The following ITPK1 variants were observed in gnomAD, a reference collection of about 807,000 sequenced individuals.
ITPK1 encodes the protein inositol-tetrakisphosphate 1-kinase.
Under a neutral mutation model 45.3 loss-of-function variants are expected in ITPK1, and 21 were observed. The ratio of observed to expected loss-of-function variants is 0.46; its 90% CI spans 0.33 to 0.67. The LOEUF is 0.67. ITPK1 is among the 30% of genes least tolerant of loss of function. ITPK1 has a pLI of 0.02. For missense variants in ITPK1, 474 were observed against 573.5 expected (o/e 0.83, Z 1.77); for synonymous variants, 258 against 253.6 (o/e 1.02, Z -0.16).
Position 93,034,983 on chromosome 14 carries a change from C to T in ITPK1, c.121-18182G>A, listed in dbSNP as rs775382576. Among the ~76,000 whole-genome samples the T allele has an allele frequency of 6.6e-6, 1 of 152,258 alleles. No homozygotes were observed. The highest frequency in any genetic ancestry group is 1.5e-5 in the Non-Finnish European group (1 of 68,042). ...CCTGGCCTCTGGGCACCTGCACCTA[C>T]AAAGCAAGTCCTACAGGGTGAACAC... On this transcript the variant is annotated intron_variant, in intron 3 of 10. Coordinates refer to ENST00000267615, the MANE Select transcript of ITPK1 (RefSeq NM_014216.6). The surrounding 1 kb of genome is among the most constrained non-coding windows in gnomAD (Gnocchi z 4.1).
In ITPK1 at chr14:93,032,615, C is replaced by A. The variant is rs1281144875; in HGVS notation, c.121-15814G>T. Among the ~76,000 whole-genome samples, 2 of 152,130 alleles carry A rather than the reference C, an allele frequency of 1.3e-5. No individual in the cohort carries two copies. Among genetic ancestry groups the A allele is most frequent in the Non-Finnish European group, 2.9e-5 (2 of 68,026 alleles). On this transcript the variant is annotated intron_variant, in intron 3 of 10. Coordinates refer to ENST00000267615, the MANE Select transcript of ITPK1 (RefSeq NM_014216.6). This position sits in a 1 kb window ranked among gnomAD's most constrained non-coding sequence, Gnocchi z 4.0. ...TGCCAGGTCACAGAAATTTACTGAC[C>A]CACATCTGACCTGCCCCACCCTCAA...
At chr14:93,090,507 C>T (rs1891826864) in intron 2 of ITPK1, among the ~76,000 whole-genome samples, 1 of 152,156 alleles carries the variant, frequency 6.6e-6, no homozygotes, top group South Asian at 2.1e-4. Flanking sequence ...AAATGTCCAG[C>T]CCGTATCCCT....
rs920226993 is a variant in ITPK1, at chr14:93,036,060, G to A, written c.121-19259C>T. ...TTGGAAACAGGTGGGAGGAGCACTC[G>A]CCAAGCCCAAGGCCACCCTTTCCAA... On this transcript the variant is annotated intron_variant, in intron 3 of 10. Transcript: ENST00000267615. The surrounding 1 kb of genome is among the most constrained non-coding windows in gnomAD (Gnocchi z 4.1). Among the ~76,000 whole-genome samples, 9 of 152,170 alleles carry A rather than the reference G, an allele frequency of 5.9e-5. No individual in the cohort carries two copies. Among genetic ancestry groups the A allele is most frequent in the Non-Finnish European group, 1.3e-4 (9 of 68,020 alleles).
At chr14:93,073,015 G>T (rs574451287) in intron 3 of ITPK1, among the ~76,000 whole-genome samples, 1 of 152,212 alleles carries the variant, frequency 6.6e-6, no homozygotes, top group Non-Finnish European at 1.5e-5. Flanking sequence ...CCACCAGGAG[G>T]GTTTTATGCC....
chr14:93,104,010 T>C (rs1005401884), intron 2 of ITPK1, among the ~76,000 whole-genome samples: 1 of 152,064 alleles, frequency 6.6e-6, no homozygotes, highest in Non-Finnish European at 1.5e-5. Context: ...GGAGGGCAGG[T>C]GAGGTGGCCT....
chr14:93,004,771 G>A (rs3783911), intron 4 of ITPK1, among the ~76,000 whole-genome samples: 47,332 of 151,518 alleles, frequency 0.31, 7,653 homozygotes, highest in Admixed American at 0.37. Flanking sequence ...AGGAGCAGAG[G>A]AGTGTGGGTG....
rs1032850340 is a variant in ITPK1, at chr14:93,016,046, C to T, written c.246+630G>A. The stretch of plus-strand genomic sequence containing the variant: ...AGCCGCTTTCTAGAGGACAGAATCA[C>T]GTTCTTGTCCACAACAGAGAGAACA... On this transcript the variant is annotated intron_variant, in intron 4 of 10. Coordinates refer to ENST00000267615, the MANE Select transcript of ITPK1 (RefSeq NM_014216.6). This position sits in a 1 kb window ranked among gnomAD's most constrained non-coding sequence, Gnocchi z 5.0. Among the ~76,000 whole-genome samples the T allele has an allele frequency of 2.0e-5, 3 of 152,200 alleles. No individual in the cohort carries two copies. Among genetic ancestry groups the T allele is most frequent in the Admixed American group, 6.5e-5 (1 of 15,286 alleles).
At chr14:93,111,756 C>G (rs1892765408) in intron 2 of ITPK1, among the ~76,000 whole-genome samples, 1 of 151,022 alleles carries the variant, frequency 6.6e-6, no homozygotes, top group East Asian at 1.9e-4. Flanking sequence ...TGTGGGAGAC[C>G]TACAAGGTTG....
At chr14:93,059,109 T>C (rs890852461) in intron 3 of ITPK1, among the ~76,000 whole-genome samples, 1 of 1,930 alleles carries the variant, frequency 5.2e-4, no homozygotes. Flanking sequence ...GAGGCAGGGG[T>C]GGAGGGGGTG....
intron 5 of ITPK1, among the ~76,000 whole-genome samples, chr14:92,966,096 G>C (rs1042636894): frequency 3.9e-5 from 6 of 152,328 alleles, no homozygotes; most frequent in Admixed American, 3.9e-4. Flanking sequence ...GCTCACTGTA[G>C]CCTCAAACTC....
chr14:93,048,460 A>G (rs1322007639), intron 3 of ITPK1, among the ~76,000 whole-genome samples: 7 of 152,238 alleles, frequency 4.6e-5, no homozygotes, highest in Non-Finnish European at 8.8e-5. Context: ...GTGTTTCAAC[A>G]GGTTGACATC....
chr14:92,942,534 T>C (rs1311672147), intron 10 of ITPK1, among the ~76,000 whole-genome samples: 1 of 152,082 alleles, frequency 6.6e-6, no homozygotes, highest in Non-Finnish European at 1.5e-5. Context: ...CACCACAAAA[T>C]ACCTGCAGGG....
intron 3 of ITPK1, among the ~76,000 whole-genome samples, chr14:93,021,918 A>G (rs571667143): frequency 6.6e-6 from 1 of 152,320 alleles, no homozygotes; most frequent in African/African-American, 2.4e-5. Flanking sequence ...CTGGTTTCCA[A>G]TTACTCGGAT....
chr14:93,046,598 G>C (rs965173657), intron 3 of ITPK1, among the ~76,000 whole-genome samples: 2 of 149,942 alleles, frequency 1.3e-5, no homozygotes, highest in Admixed American at 6.6e-5. Flanking sequence ...CGGGGGCGGG[G>C]GGGGGCGGCG....
rs551831713 is a variant in ITPK1 at position 93,076,786 on chromosome 14, C to T, written c.96-167G>A. On this transcript the variant is annotated intron_variant, in intron 2 of 10. Transcript: ENST00000267615. This position sits in a 1 kb window ranked among gnomAD's most constrained non-coding sequence, Gnocchi z 4.3. ...CCCAGAACAGCCATGCCTTCCACTC[C>T]CAGCCACTCCTCAAACCACCTTCCC... Among the ~76,000 whole-genome samples, 1 of 152,300 alleles carries T rather than the reference C, an allele frequency of 6.6e-6. No individual in the cohort carries two copies. Among genetic ancestry groups the T allele is most frequent in the South Asian group, 2.1e-4 (1 of 4,826 alleles).
Position 93,036,245 on chromosome 14 carries a change from T to C in ITPK1, c.121-19444A>G, listed in dbSNP as rs930304529. On this transcript the variant is annotated intron_variant, in intron 3 of 10. Coordinates refer to ENST00000267615, the MANE Select transcript of ITPK1 (RefSeq NM_014216.6). This position sits in a 1 kb window ranked among gnomAD's most constrained non-coding sequence, Gnocchi z 4.1. Reference sequence around the variant, plus strand: ...GTCCTACTGGGAAGGGCCGCTCCTATAGCAACCAGCCCTGCCCCAGGAGGT... The same window carrying C: ...GTCCTACTGGGAAGGGCCGCTCCTACAGCAACCAGCCCTGCCCCAGGAGGT... 2.0e-5 allele frequency among the ~76,000 whole-genome samples: 3 copies of C among 152,132 alleles called. No individual in the cohort carries two copies. Among genetic ancestry groups the C allele is most frequent in the Non-Finnish European group, 2.9e-5 (2 of 67,994 alleles).
chr14:92,950,751 C>A (rs12883842), intron 9 of ITPK1, among the ~76,000 whole-genome samples: 26 of 152,300 alleles, frequency 1.7e-4, no homozygotes, highest in African/African-American at 6.0e-4. Flanking sequence ...AAGCCATGCA[C>A]GGAAGAAGCC....
intron 3 of ITPK1, among the ~76,000 whole-genome samples, chr14:93,044,809 G>T (rs1448216644): frequency 6.6e-6 from 1 of 152,186 alleles, no homozygotes; most frequent in Non-Finnish European, 1.5e-5. Flanking sequence ...AGAGGAAGAA[G>T]CAAGAAAAAC....
chr14:92,978,305 C>T (rs1259861874), intron 5 of ITPK1, among the ~76,000 whole-genome samples: 3 of 151,872 alleles, frequency 2.0e-5, no homozygotes, highest in African/African-American at 4.9e-5. Context: ...TCTGCAAAAA[C>T]AAAGAAATGA....
Sources: allele counts gnomAD v4.1 joint callset (sites outside exome capture counted in the v4.1 genomes callset), GRCh38; gene constraint gnomAD v4.1.1; non-coding constraint Gnocchi (gnomAD v3.1); transcripts MANE v1.5; gene names NCBI Gene and HGNC (gene_info 2026-07-23, HGNC 2026-07-21).